Variants in ARSG observed in about 807,000 individuals in gnomAD.
The protein encoded by ARSG is ASG.
ARSG carries 37 observed loss-of-function variants against 50.5 expected under a neutral mutation model. The observed-to-expected ratio is 0.73, with a 90% CI of 0.56 to 0.96. The LOEUF (loss-of-function observed/expected upper bound fraction) is 0.96. Among genes scored for constraint, ARSG ranks in the 50% least tolerant of loss-of-function variants. The pLI is 0.00. For missense variants in ARSG, 629 were observed against 675.3 expected, an observed-to-expected ratio of 0.93 and a Z score of 0.76; for synonymous variants, 225 against 254.6, an observed-to-expected ratio of 0.88 and a Z score of 1.11.
chr17:68,353,475 C>G (rs1266742467), intron 5 of ARSG, among the ~76,000 whole-genome samples: 3 of 152,142 alleles, frequency 2.0e-5, no homozygotes, highest in African/African-American at 7.2e-5. Context: ...GATTGCATCA[C>G]TGCACTTCAC....
At chr17:68,433,813 C>G in the ARSG span, among the ~76,000 whole-genome samples, 18 of 116,162 alleles carry the variant, frequency 1.5e-4, no homozygotes, top group Admixed American at 8.7e-4. Flanking sequence ...CAGAGTCTCT[C>G]GCTCTGTTGC....
At chr17:68,442,464 C>CAA in the ARSG span, among the ~76,000 whole-genome samples, 58 of 62,742 alleles carry the variant, frequency 9.2e-4, no homozygotes, top group African/African-American at 2.6e-3. Context: ...GACTGTGTCT[C>CAA]AAAAAAAAAA....
At chr17:68,426,253 G>GGGGGGTGGGGT, downstream of ARSG, 1 of 841,018 alleles carries the variant, frequency 1.2e-6, no homozygotes, top group Non-Finnish European at 1.9e-6. Flanking sequence ...GGGGAGCGGG[G>GGGGGGTGGGGT]GCTCAAATAA....
At chr17:68,421,031 G>C (rs974191766), downstream of ARSG, 1 of 155,514 alleles carries the variant, frequency 6.4e-6, no homozygotes, top group Non-Finnish European at 1.4e-5. Flanking sequence ...TCCGGATTCC[G>C]TCTCAGTAGG....
intron 1 of ARSG, among the ~76,000 whole-genome samples, chr17:68,296,666 C>T (rs1555758343): frequency 1.3e-5 from 2 of 152,134 alleles, no homozygotes; most frequent in African/African-American, 2.4e-5. Context: ...GCCCATCGTT[C>T]ATCCGTCCAT....
chr17:68,317,073 G>A (rs1401347282), intron 2 of ARSG, among the ~76,000 whole-genome samples: 1 of 152,110 alleles, frequency 6.6e-6, no homozygotes, highest in African/African-American at 2.4e-5. Flanking sequence ...TGCAGGAGAT[G>A]TGATTTGCCC....
chr17:68,438,785 G>C, the ARSG span, among the ~76,000 whole-genome samples: 16,519 of 152,154 alleles, frequency 0.11, 986 homozygotes, highest in South Asian at 0.23. Flanking sequence ...ATTTTCAGTA[G>C]AGACAGGGTT....
At chr17:68,357,430 C>T (rs1380022158) in intron 6 of ARSG, among the ~76,000 whole-genome samples, 1 of 152,192 alleles carries the variant, frequency 6.6e-6, no homozygotes, top group Non-Finnish European at 1.5e-5. Flanking sequence ...CTTGCATCTT[C>T]AGTCAAATCT....
chr17:68,390,823 C>T (rs1417179387), intron 9 of ARSG, among the ~76,000 whole-genome samples: 1 of 151,578 alleles, frequency 6.6e-6, no homozygotes, highest in Non-Finnish European at 1.5e-5. Context: ...GACAGGGATT[C>T]ACCATGTTGG....
rs1555748777 is a variant in ARSG, at chr17:68,271,551, G to A, written c.-552+12125G>A. ...TCGGTGACGCTGGTCCTCTGATAAA[G>A]ATGGGTCTGAGCAGTGCTCCGAAGA... On this transcript the variant is annotated intron_variant, in intron 1 of 11. Coordinates refer to the ARSG transcript ENST00000448504. The surrounding 1 kb of genome is among the most constrained non-coding windows in gnomAD (Gnocchi z 5.3). The A allele has an allele frequency of 1.9e-6, 3 of 1,614,226 alleles. No homozygotes were observed. Among genetic ancestry groups the A allele is most frequent in the South Asian group, 2.2e-5 (2 of 91,084 alleles).
intron 11 of ARSG, among the ~76,000 whole-genome samples, chr17:68,407,537 G>A (rs2034080783): frequency 6.6e-6 from 1 of 151,456 alleles, no homozygotes; most frequent in Non-Finnish European, 1.5e-5. Context: ...ATTTCTTTCA[G>A]CAGTGTTTTG....
chr17:68,351,541 A>G (rs1174576994), intron 4 of ARSG, 34 bp from the exon 5 acceptor site: 1 of 1,265,980 alleles, frequency 7.9e-7, no homozygotes, highest in Non-Finnish European at 1.2e-6. Flanking sequence ...AGTCGCAGCC[A>G]CGTGGGGGTG....
chr17:68,332,634 C>T (rs538244140), intron 2 of ARSG, among the ~76,000 whole-genome samples: 120 of 152,224 alleles, frequency 7.9e-4, no homozygotes, highest in African/African-American at 2.7e-3. Context: ...GAAATCATCA[C>T]AATTTATGTT....
At chr17:68,410,518 G>A (rs1462556296) in intron 11 of ARSG, among the ~76,000 whole-genome samples, 28 of 151,332 alleles carry the variant, frequency 1.9e-4, no homozygotes, top group South Asian at 4.2e-4. Context: ...TGCTGGATTC[G>A]GTTTGCCAGT....
At chr17:68,273,828 A>G in intron 1 of ARSG, 4 of 1,405,038 alleles carry the variant, frequency 2.8e-6, no homozygotes, top group Non-Finnish European at 3.9e-6. Flanking sequence ...AAAAAAAGAA[A>G]GAGAAAGAAA....
chr17:68,262,585 T>C (rs72847895), intron 1 of ARSG, among the ~76,000 whole-genome samples: 2,669 of 152,158 alleles, frequency 0.018, 35 homozygotes, highest in Middle Eastern at 0.034. Context: ...AGTTCAGACT[T>C]GTGCTGTAAG....
rs781372500 is a variant in ARSG, at chr17:68,401,426, C to A, written c.1279C>A (p.Arg427Ser). 2 of 1,614,028 alleles carry A rather than the reference C, an allele frequency of 1.2e-6. No homozygotes were observed. Among genetic ancestry groups the A allele is most frequent in the Non-Finnish European group, 1.7e-6 (2 of 1,179,888 alleles). ...AGCCCTGCAGACTGTCCGCCTGGAG[C>A]GTTACAAGGCCTTCTACATTACCGG... Reference protein sequence around the residue: ...FGALQTVRLERYKAFYITGGA... With the variant: ...FGALQTVRLESYKAFYITGGA... Residue 427 changes from arginine to serine, a missense_variant, in exon 11 of 12, where the codon CGT (arginine) becomes AGT (serine). Coordinates refer to ENST00000621439, the MANE Select transcript of ARSG (RefSeq NM_001267727.2).
downstream of ARSG, chr17:68,426,259 A>G (rs1178980950): frequency 9.7e-7 from 1 of 1,033,424 alleles, no homozygotes; most frequent in African/African-American, 1.6e-5. Context: ...CGGGGGCTCA[A>G]ATAAAGGGCA....
intron 1 of ARSG, among the ~76,000 whole-genome samples, chr17:68,305,227 C>T (rs879946557): frequency 6.6e-6 from 1 of 152,222 alleles, no homozygotes; most frequent in Non-Finnish European, 1.5e-5. Context: ...GCTCCATTTG[C>T]AACCTGCAGC....
Sources: gnomAD v4.1 joint callset for allele counts (sites outside exome capture counted in the v4.1 genomes callset) on GRCh38, gnomAD v4.1.1 for gene constraint, Gnocchi (gnomAD v3.1) non-coding constraint, MANE v1.5 for transcripts, NCBI Gene and HGNC (gene_info 2026-07-23, HGNC 2026-07-21) for gene names.